The following ADAMTS20 variants were observed in gnomAD, a reference collection of about 807,000 sequenced individuals.
ADAMTS20 encodes ADAM metallopeptidase with thrombospondin type 1 motif 20.
A neutral mutation model predicts 260.1 loss-of-function variants in ADAMTS20; 225 were observed. That is an observed-to-expected ratio of 0.87 (90% confidence interval 0.78 to 0.97). ADAMTS20 has a LOEUF of 0.97. Among genes scored for constraint, ADAMTS20 ranks in the 50% least tolerant of loss-of-function variants. ADAMTS20 has a pLI of 0.00. For synonymous variants in ADAMTS20, 802 were observed against 769.5 expected, an observed-to-expected ratio of 1.04 and a Z score of -0.70; for missense variants, 2,400 against 2,337.7, an observed-to-expected ratio of 1.03 and a Z score of -0.55.
intron 4 of ADAMTS20, among the ~76,000 whole-genome samples, chr12:43,495,151 C>G (rs550965408): frequency 1.3e-5 from 2 of 152,080 alleles, no homozygotes; most frequent in East Asian, 3.9e-4. Flanking sequence ...GATGCTGCAC[C>G]TTTATTTAAA....
chr12:43,383,508 A>C (rs1940398971), intron 31 of ADAMTS20, 50 bp downstream of exon 31: 1 of 1,535,882 alleles, frequency 6.5e-7, no homozygotes, highest in Non-Finnish European at 8.8e-7. Flanking sequence ...TTGTAGATCC[A>C]GCTGTTTTAT....
chr12:43,447,473 G>A (rs1281053493), intron 14 of ADAMTS20, among the ~76,000 whole-genome samples: 1 of 152,030 alleles, frequency 6.6e-6, no homozygotes, highest in African/African-American at 2.4e-5. Context: ...TCATAAACTA[G>A]GCATTGAAGG....
intron 37 of ADAMTS20, among the ~76,000 whole-genome samples, chr12:43,365,872 C>T (rs188343515): frequency 6.6e-6 from 1 of 151,618 alleles, no homozygotes. Flanking sequence ...CTTTGAATAA[C>T]CACTAACAAA....
At chr12:43,542,545 T>G (rs1943391110) in intron 2 of ADAMTS20, among the ~76,000 whole-genome samples, 1 of 152,204 alleles carries the variant, frequency 6.6e-6, no homozygotes, top group South Asian at 2.1e-4. Context: ...TTCTTGTATT[T>G]TTCCCTATCT....
In ADAMTS20 at chr12:43,428,765, C is replaced by A; in HGVS notation, c.3524G>T (p.Arg1175Leu). Reference sequence around the variant, plus strand: ...AAGAGCATCACGACAGCTTACATAGCGGGCTTGAGTACCTCTTCCACAAGA... The same window carrying A: ...AAGAGCATCACGACAGCTTACATAGAGGGCTTGAGTACCTCTTCCACAAGA... ...SVSCGRGTQA[R>L]YVSCRDALDR... is the part of the protein sequence containing the mutation. Residue 1175 changes from arginine to leucine, a missense_variant, in exon 25 of 39, where the codon CGC (arginine) becomes CTC (leucine). Arg to Leu is a moderately radical substitution (Grantham distance 102). Coordinates refer to ENST00000389420, the MANE Select transcript of ADAMTS20 (RefSeq NM_025003.5). 1 of 1,609,404 alleles carries A rather than the reference C, an allele frequency of 6.2e-7. No homozygotes were observed. Among genetic ancestry groups the A allele is most frequent in the South Asian group, 1.1e-5 (1 of 90,530 alleles).
At chr12:43,511,916 C>T (rs1274962360) in intron 3 of ADAMTS20, among the ~76,000 whole-genome samples, 1 of 152,024 alleles carries the variant, frequency 6.6e-6, no homozygotes, top group African/African-American at 2.4e-5. Flanking sequence ...CTGGGTGACC[C>T]TTGAGATAAA....
chr12:43,369,369 A>G lies in ADAMTS20; in HGVS notation c.5459T>C (p.Leu1820Pro), dbSNP rs771908340. The change falls in exon 37 of 39, where the codon CTT becomes CCT. Residue 1820 changes from leucine to proline, a missense_variant. By Grantham distance (98) the Leu-to-Pro change is moderately conservative (BLOSUM62 -3). Coordinates refer to ENST00000389420, the MANE Select transcript of ADAMTS20 (RefSeq NM_025003.5). ...ATTTCCAAATATTGTTTTGGAAAAA[A>G]GAAGGTCCGTAGCTAGAAAATAATA... Reference protein sequence around the residue: ...TSMQIKTTDLLFSKTIFGNAV... With the variant: ...TSMQIKTTDLPFSKTIFGNAV... 18 of 1,546,310 alleles carry G rather than the reference A, an allele frequency of 1.2e-5. No individual in the cohort carries two copies. The highest frequency in any genetic ancestry group is 1.5e-5 in the Non-Finnish European group (17 of 1,146,872).
rs1269463632 is a variant in ADAMTS20, at chr12:43,446,683, G to A, written c.2109C>T (p.Ser703=). 7 of 1,613,070 alleles carry A rather than the reference G, an allele frequency of 4.3e-6. No homozygotes were observed. Among genetic ancestry groups the A allele is most frequent in the Non-Finnish European group, 5.9e-6 (7 of 1,179,488 alleles). The change falls in exon 15 of 39, where the codon TCC becomes TCT. Residue 703 remains serine, a synonymous_variant. Coordinates refer to ENST00000389420, the MANE Select transcript of ADAMTS20 (RefSeq NM_025003.5). ...CTCCACATTTGTCTATCTTGGCACT[G>A]GAGTTTAACACGTGATCACAACCAG... ...MAAGCDHVLN[S]SAKIDKCGVC... is the part of the protein sequence containing the mutation.
chr12:43,399,075 G>A lies in ADAMTS20; in HGVS notation c.4443C>T (p.Ser1481=). 1.3e-6 allele frequency: 2 copies of A among 1,518,392 alleles called. No homozygotes were observed. The highest frequency in any genetic ancestry group is 1.8e-6 in the Non-Finnish European group (2 of 1,132,034). 94.1% of individuals were successfully genotyped at this position (1,518,392 alleles called of 1,614,324 possible). The change falls in exon 29 of 39, where the codon AGC becomes AGT. Residue 1481 remains serine (S), a synonymous_variant. Coordinates refer to ENST00000389420, the MANE Select transcript of ADAMTS20 (RefSeq NM_025003.5). ...AATATACATCATATACCTCATTCCA[G>A]CTATTGGCTTTCCATGAAGGGCATC... ...SVRCPSWKAN[S]WNECSVTCGS...
intron 2 of ADAMTS20, among the ~76,000 whole-genome samples, chr12:43,537,351 G>A (rs942370019): frequency 6.6e-5 from 10 of 151,858 alleles, no homozygotes; most frequent in South Asian, 2.1e-4. Context: ...CACCACACCC[G>A]GCCCTTACTT....
intron 7 of ADAMTS20, among the ~76,000 whole-genome samples, chr12:43,471,884 G>GA (rs767819867): frequency 7.5e-6 from 1 of 132,652 alleles, no homozygotes. Flanking sequence ...CAAAGATGGG[G>GA]AAAAAACAGA....
chr12:43,386,268 T>C (rs925146181), intron 29 of ADAMTS20, among the ~76,000 whole-genome samples: 3 of 152,150 alleles, frequency 2.0e-5, no homozygotes. Flanking sequence ...GGATATGAAA[T>C]TCTGGGTTGA....
At chr12:43,370,026 C>T (rs1184885931) in intron 36 of ADAMTS20, among the ~76,000 whole-genome samples, 1 of 152,120 alleles carries the variant, frequency 6.6e-6, no homozygotes, top group Non-Finnish European at 1.5e-5. Flanking sequence ...GCTTCAATCA[C>T]CTATTCATGT....
At chr12:43,533,698 G>A (rs1943257253) in intron 2 of ADAMTS20, among the ~76,000 whole-genome samples, 1 of 6,456 alleles carries the variant, frequency 1.5e-4, no homozygotes, top group African/African-American at 2.9e-4. Flanking sequence ...AACAAAGCTG[G>A]AGGCATCACA....
intron 7 of ADAMTS20, among the ~76,000 whole-genome samples, chr12:43,486,874 T>C (rs192961115): frequency 2.6e-5 from 4 of 152,302 alleles, no homozygotes; most frequent in Admixed American, 6.5e-5. Context: ...TACAATGAGA[T>C]ACCATCTTAC....
At chr12:43,444,506 T>C (rs1941725418) in intron 15 of ADAMTS20, among the ~76,000 whole-genome samples, 1 of 152,144 alleles carries the variant, frequency 6.6e-6, no homozygotes, top group Non-Finnish European at 1.5e-5. Flanking sequence ...GTAAAAAGTT[T>C]ACTCAAGTGA....
chr12:43,426,225 A>T (rs893006289), intron 27 of ADAMTS20, among the ~76,000 whole-genome samples: 1 of 152,208 alleles, frequency 6.6e-6, no homozygotes, highest in African/African-American at 2.4e-5. Flanking sequence ...GCAGAACAAA[A>T]GCCTGGCAGG....
At chr12:43,493,020 C>T in intron 5 of ADAMTS20, 150 bp downstream of exon 5, 1 of 639,690 alleles carries the variant, frequency 1.6e-6, no homozygotes. Flanking sequence ...ATTTCCATCA[C>T]AACAAATAAG....
chr12:43,518,143 A>G (rs1476957546), intron 3 of ADAMTS20, among the ~76,000 whole-genome samples: 4 of 152,076 alleles, frequency 2.6e-5, no homozygotes, highest in African/African-American at 4.8e-5. Flanking sequence ...TTTCACCACA[A>G]TAGGATTAGT....
Sources: allele counts gnomAD v4.1 joint callset (sites outside exome capture counted in the v4.1 genomes callset), GRCh38; gene constraint gnomAD v4.1.1; transcripts MANE v1.5; gene names NCBI Gene and HGNC (gene_info 2026-07-23, HGNC 2026-07-21).